DCC: variants seen among roughly 807,000 people sequenced by gnomAD.
DCC encodes the protein netrin receptor DCC.
In DCC, 58 loss-of-function variants were observed where a neutral mutation model predicts 172.5. The ratio of observed to expected loss-of-function variants is 0.34; its 90% CI spans 0.27 to 0.42. The LOEUF (loss-of-function observed/expected upper bound fraction) is 0.42, where lower values mean the gene tolerates loss of function less well. Among genes scored for constraint, DCC ranks in the 10% least tolerant of loss-of-function variants. DCC has a pLI of 1.00. For synonymous variants in DCC, 709 were observed against 644.5 expected (o/e 1.10, Z -1.52); for missense variants, 1,740 against 1,791.0 (o/e 0.97, Z 0.51).
chr18:52,758,815 G>A (rs2037115037), intron 2 of DCC: 1 of 152,124 alleles, frequency 6.6e-6, no homozygotes, highest in South Asian at 2.1e-4. Context: ...TGCCTAGAAG[G>A]TCAACTTCAT....
At chr18:52,787,178 TTC>T (rs574604964) in intron 2 of DCC, among the ~76,000 whole-genome samples, 103 of 152,288 alleles carry the variant, frequency 6.8e-4, no homozygotes, top group African/African-American at 1.8e-3. Flanking sequence ...TGCTTTAACT[TTC>T]TGAGTACAGT....
At chr18:53,267,104 TCTCTCTCA>T (rs1207566100) in intron 12 of DCC, among the ~76,000 whole-genome samples, 1 of 139,718 alleles carries the variant, frequency 7.2e-6, no homozygotes, top group African/African-American at 2.8e-5. Context: ...ACACACACTC[TCTCTCTCA>T]CACACACACA....
chr18:52,497,271 AAAAAAAAAAATATAT>A lies in DCC; in HGVS notation c.91+156395_91+156409del, dbSNP rs1288254703. On this transcript the variant is annotated intron_variant, in intron 1 of 28. Coordinates refer to ENST00000442544, the MANE Select transcript of DCC (RefSeq NM_005215.4). The stretch of plus-strand genomic sequence containing the variant: ...GTGAGACCCTGTATCAAAAAAAAAA[AAAAAAAAAAATATAT>A]ATATATATATATATATATATATATA... 2.3e-4 allele frequency among the ~76,000 whole-genome samples: 22 copies of A among 94,020 alleles called. 4 individuals are homozygous for A. The highest frequency in any genetic ancestry group is 3.0e-4 in the Non-Finnish European group (14 of 46,100). The allele number at this position is 94,020 out of a possible 152,430, so 61.7% of individuals were successfully genotyped here. A position where few individuals can be genotyped will look rare whatever the true frequency, so the allele number is the denominator to read the frequency against.
At chr18:52,555,030 G>A (rs571642789) in intron 1 of DCC, among the ~76,000 whole-genome samples, 8 of 152,142 alleles carry the variant, frequency 5.3e-5, no homozygotes, top group African/African-American at 1.9e-4. Context: ...GAAGGTGGAA[G>A]GTGGGGGTGA....
At position 52,962,510 on chromosome 18, in the gene DCC, C is replaced by G. The variant is rs553294946; in HGVS notation, c.985+37140C>G. Among the ~76,000 whole-genome samples the G allele has an allele frequency of 7.2e-5, 11 of 151,992 alleles. No individual in the cohort carries two copies. The South Asian group carries it at 2.3e-3, about 32-fold the overall frequency. On this transcript the variant is annotated intron_variant, in intron 5 of 28. Transcript: ENST00000442544. Reference sequence around the variant, plus strand: ...GAACACTTTTACACTGTTGGTGGGACTGTAAACTAGTTCAACCAATGTGGA... The same window carrying G: ...GAACACTTTTACACTGTTGGTGGGAGTGTAAACTAGTTCAACCAATGTGGA...
chr18:53,336,702 T>C (rs1265610638), intron 14 of DCC, among the ~76,000 whole-genome samples: 1 of 152,036 alleles, frequency 6.6e-6, no homozygotes, highest in Non-Finnish European at 1.5e-5. Context: ...AACATAAAAA[T>C]AAAATAAGTA....
chr18:53,061,720 T>A (rs926328297), intron 5 of DCC, among the ~76,000 whole-genome samples: 7 of 152,148 alleles, frequency 4.6e-5, no homozygotes, highest in African/African-American at 1.4e-4. Flanking sequence ...TCTGGCTTCA[T>A]AATTTACAAG....
intron 19 of DCC, among the ~76,000 whole-genome samples, chr18:53,410,232 T>A (rs995183203): frequency 4.6e-5 from 7 of 152,174 alleles, no homozygotes; most frequent in African/African-American, 1.4e-4. Flanking sequence ...ATATTTTTAC[T>A]TCTAACAGCT....
Position 52,870,476 on chromosome 18 carries a change from A to AG in DCC, c.413-35566dup, listed in dbSNP as rs2039301542. Among the ~76,000 whole-genome samples the AG allele has an allele frequency of 1.3e-5, 2 of 152,176 alleles. 1 individual carries two copies. The highest frequency in any genetic ancestry group is 2.9e-5 in the Non-Finnish European group (2 of 68,042). Reference sequence around the variant, plus strand: ...AAACTGTTGCTGTGAAACGAATGAAAGGCCACTAAGTTAGAAGGGTGAGAA... The same window carrying AG: ...AAACTGTTGCTGTGAAACGAATGAAAGGGCCACTAAGTTAGAAGGGTGAGAA... On this transcript the variant is annotated intron_variant, in intron 2 of 28. Coordinates refer to ENST00000442544, the MANE Select transcript of DCC (RefSeq NM_005215.4).
chr18:52,841,785 C>T (rs1568138365), intron 2 of DCC, among the ~76,000 whole-genome samples: 1 of 152,106 alleles, frequency 6.6e-6, no homozygotes, highest in African/African-American at 2.4e-5. Context: ...TCCATCTGAA[C>T]AACATTTTTG....
intron 25 of DCC, among the ~76,000 whole-genome samples, chr18:53,483,358 CAT>C (rs2045860893): frequency 6.6e-6 from 1 of 151,852 alleles, no homozygotes; most frequent in South Asian, 2.1e-4. Flanking sequence ...TGTATCCCCT[CAT>C]ATATTTAAAA....
At chr18:53,493,114 G>A (rs148137478) in intron 26 of DCC, among the ~76,000 whole-genome samples, 2,412 of 152,162 alleles carry the variant, frequency 0.016, 75 homozygotes, top group African/African-American at 0.055. Flanking sequence ...CTCATGATTT[G>A]GCTCTCTGTT....
At chr18:52,806,506 C>A (rs1162450739) in intron 2 of DCC, among the ~76,000 whole-genome samples, 1 of 152,106 alleles carries the variant, frequency 6.6e-6, no homozygotes, top group African/African-American at 2.4e-5. Context: ...AATGCATAGG[C>A]TTTATTTGAT....
intron 5 of DCC, among the ~76,000 whole-genome samples, chr18:52,999,686 A>T (rs890306375): frequency 1.3e-5 from 2 of 152,092 alleles, no homozygotes. Context: ...AATGATATTG[A>T]CCAAACAATT....
At chr18:52,898,102 C>A (rs1444976767) in intron 2 of DCC, among the ~76,000 whole-genome samples, 4 of 152,176 alleles carry the variant, frequency 2.6e-5, no homozygotes, top group Admixed American at 2.0e-4. Context: ...TAATTTGGAG[C>A]AAACAAAGCA....
At chr18:52,483,268 C>T (rs780432487) in intron 1 of DCC, among the ~76,000 whole-genome samples, 111 of 152,190 alleles carry the variant, frequency 7.3e-4, no homozygotes, top group Non-Finnish European at 1.4e-3. Context: ...CAAATAAGAT[C>T]GCTTTCACAG....
At chr18:53,350,881 C>A (rs2057783721) in intron 15 of DCC, among the ~76,000 whole-genome samples, 1 of 151,862 alleles carries the variant, frequency 6.6e-6, no homozygotes, top group Admixed American at 6.6e-5. Flanking sequence ...CTATAATATT[C>A]TGATTAGAAA....
At chr18:52,346,205 A>G (rs1983872362) in intron 1 of DCC, among the ~76,000 whole-genome samples, 1 of 152,244 alleles carries the variant, frequency 6.6e-6, no homozygotes, top group Non-Finnish European at 1.5e-5. Context: ...AATGTGCAAG[A>G]TAGAATTACA....
chr18:52,838,640 C>T (rs557394332), intron 2 of DCC, among the ~76,000 whole-genome samples: 2 of 152,108 alleles, frequency 1.3e-5, no homozygotes, highest in South Asian at 4.2e-4. Context: ...TACTATGAAC[C>T]AGATATTTGG....
Sources: allele counts gnomAD v4.1 joint callset (sites outside exome capture counted in the v4.1 genomes callset), GRCh38; gene constraint gnomAD v4.1.1; transcripts MANE v1.5; gene names NCBI Gene and HGNC (gene_info 2026-07-23, HGNC 2026-07-21).